Variants in SHROOM3 observed in about 807,000 individuals in gnomAD.
SHROOM3 encodes the protein protein Shroom3.
Under a neutral mutation model 138.6 loss-of-function variants are expected in SHROOM3, and 47 were observed. The observed-to-expected ratio is 0.34, with a 90% CI of 0.27 to 0.43. The LOEUF (loss-of-function observed/expected upper bound fraction) is 0.43, where lower values mean the gene tolerates loss of function less well. Ranked by LOEUF, SHROOM3 falls within the 20% of genes least tolerant of loss-of-function variation. The pLI, the probability that SHROOM3 is intolerant of heterozygous loss-of-function variation, is 1.00. For missense variants in SHROOM3, 2,491 were observed against 2,596.5 expected, an observed-to-expected ratio of 0.96 and a Z score of 0.88; for synonymous variants, 1,062 against 1,063.3, an observed-to-expected ratio of 1.00 and a Z score of 0.02.
intron 1 of SHROOM3, among the ~76,000 whole-genome samples, chr4:76,488,866 T>TGAGGTCAAAAA (rs1731791581): frequency 2.0e-5 from 1 of 50,726 alleles, no homozygotes; most frequent in South Asian, 4.7e-4. Flanking sequence ...CTTGTTTTTA[T>TGAGGTCAAAAA]CCCCAATTTA....
intron 1 of SHROOM3, among the ~76,000 whole-genome samples, chr4:76,471,329 T>C (rs1731366920): frequency 1.3e-5 from 2 of 151,962 alleles, no homozygotes; most frequent in South Asian, 4.2e-4. Flanking sequence ...CTACAACCTT[T>C]GCCTCCCGAC....
At chr4:76,665,997 C>T (rs538015040) in intron 2 of SHROOM3, among the ~76,000 whole-genome samples, 1 of 152,258 alleles carries the variant, frequency 6.6e-6, no homozygotes, top group African/African-American at 2.4e-5. Context: ...TGCATTAGGA[C>T]GTTCCAGCTG....
chr4:76,515,677 G>A (rs1475374810), intron 1 of SHROOM3, among the ~76,000 whole-genome samples: 1 of 152,134 alleles, frequency 6.6e-6, no homozygotes, highest in Non-Finnish European at 1.5e-5. Flanking sequence ...TTCTGGGTTT[G>A]CAGTATCAGT....
chr4:76,486,133 C>A (rs959870637), intron 1 of SHROOM3, among the ~76,000 whole-genome samples: 1 of 152,160 alleles, frequency 6.6e-6, no homozygotes, highest in African/African-American at 2.4e-5. Flanking sequence ...TCCATCTCTG[C>A]AGGTCAGAAA....
At chr4:76,482,225 G>T (rs1172096663) in intron 1 of SHROOM3, among the ~76,000 whole-genome samples, 2 of 152,170 alleles carry the variant, frequency 1.3e-5, no homozygotes, top group African/African-American at 4.8e-5. Flanking sequence ...GTCTCCGTTT[G>T]CAGATGACAT....
chr4:76,729,086 T>C (rs1488755005), intron 3 of SHROOM3, among the ~76,000 whole-genome samples: 5 of 152,216 alleles, frequency 3.3e-5, no homozygotes, highest in Non-Finnish European at 5.9e-5. Context: ...GCTCTTACTA[T>C]GGGCCAGGTG....
chr4:76,759,818 T>C, intron 9 of SHROOM3, 123 bp downstream of exon 9: 8 of 1,136,792 alleles, frequency 7.0e-6, no homozygotes, highest in East Asian at 5.2e-5. Flanking sequence ...CATCACCAGA[T>C]TGCACCAAAA....
intron 5 of SHROOM3, 179 bp downstream of exon 5, chr4:76,742,105 C>T (rs1459009104): frequency 2.5e-6 from 2 of 812,544 alleles, no homozygotes; most frequent in African/African-American, 3.4e-5. Context: ...ACCTGGTTTC[C>T]TTATAAAGAT....
chr4:76,530,711 G>A (rs1433447730), intron 1 of SHROOM3, among the ~76,000 whole-genome samples: 1 of 152,188 alleles, frequency 6.6e-6, no homozygotes, highest in Non-Finnish European at 1.5e-5. Flanking sequence ...CAGATCACAT[G>A]AGATCTTTAA....
chr4:76,723,802 A>C (rs994857980), intron 3 of SHROOM3, among the ~76,000 whole-genome samples: 12 of 152,212 alleles, frequency 7.9e-5, no homozygotes, highest in African/African-American at 2.4e-4. Context: ...GCTAAGTGAG[A>C]AAATACTCGT....
At chr4:76,541,556 G>A (rs1246480203) in intron 1 of SHROOM3, among the ~76,000 whole-genome samples, 4 of 151,732 alleles carry the variant, frequency 2.6e-5, no homozygotes, top group Admixed American at 1.3e-4. Flanking sequence ...GCAGGGGCTT[G>A]GGGAATTCAT....
rs991577375 is a variant in SHROOM3, at chr4:76,473,847, ACT to A, written c.168+37631_168+37632del. The stretch of plus-strand genomic sequence containing the variant: ...TTGGCCAGGATGTGAAGAAATTAAA[ACT>A]CTCACACATTGCTGGTGTGAATGTA... On this transcript the variant is annotated intron_variant, in intron 1 of 10. Coordinates refer to ENST00000296043, the MANE Select transcript of SHROOM3 (RefSeq NM_020859.4). Among the ~76,000 whole-genome samples, 26 of 152,240 alleles carry A rather than the reference ACT, an allele frequency of 1.7e-4. 1 individual carries two copies. Among genetic ancestry groups the A allele is most frequent in the Admixed American group, 5.2e-4 (8 of 15,288 alleles).
At chr4:76,520,925 G>A (rs1301935561) in intron 1 of SHROOM3, among the ~76,000 whole-genome samples, 2 of 152,206 alleles carry the variant, frequency 1.3e-5, no homozygotes, top group Non-Finnish European at 2.9e-5. Flanking sequence ...GCTAAAGCTA[G>A]GGACCGCTAT....
At chr4:76,689,384 G>GAGCCAGCGCCGAGCCA (rs1553937027) in intron 2 of SHROOM3, among the ~76,000 whole-genome samples, 4 of 125,466 alleles carry the variant, frequency 3.2e-5, no homozygotes, top group South Asian at 2.8e-4. Context: ...GAGCCAGCGC[G>GAGCCAGCGCCGAGCCA]GCCCCTCGGG....
intron 2 of SHROOM3, among the ~76,000 whole-genome samples, chr4:76,606,950 G>C (rs919512593): frequency 1.3e-5 from 2 of 152,036 alleles, no homozygotes; most frequent in African/African-American, 2.4e-5. Context: ...TCAGCTTACT[G>C]TGCCTCAATT....
At chr4:76,748,894 C>G in intron 5 of SHROOM3, 123 bp from the exon 6 acceptor site, 2 of 774,774 alleles carry the variant, frequency 2.6e-6, no homozygotes, top group South Asian at 1.4e-5. Context: ...AGTGCCACCA[C>G]GTGGCCTGAC....
intron 1 of SHROOM3, among the ~76,000 whole-genome samples, chr4:76,486,002 T>A (rs1579187178): frequency 6.6e-6 from 1 of 152,284 alleles, no homozygotes; most frequent in East Asian, 1.9e-4. Flanking sequence ...GGAATTTTTA[T>A]TTTATTTATT....
chr4:76,672,867 C>T (rs777462875), intron 2 of SHROOM3, among the ~76,000 whole-genome samples: 16 of 152,096 alleles, frequency 1.1e-4, no homozygotes, highest in Non-Finnish European at 1.8e-4. Flanking sequence ...GGCTCATGCC[C>T]GGCCGGATAC....
intron 9 of SHROOM3, among the ~76,000 whole-genome samples, chr4:76,765,429 G>A (rs1265939357): frequency 3.3e-5 from 5 of 152,026 alleles, no homozygotes; most frequent in African/African-American, 1.2e-4. Flanking sequence ...GAGGTGGGAG[G>A]ATCACCTGAG....
Sources: allele counts gnomAD v4.1 joint callset (sites outside exome capture counted in the v4.1 genomes callset), GRCh38; gene constraint gnomAD v4.1.1; transcripts MANE v1.5; gene names NCBI Gene and HGNC (gene_info 2026-07-23, HGNC 2026-07-21).